Variants in HDAC2 observed in about 807,000 individuals in gnomAD.
The protein encoded by HDAC2 is YY1-associated factor 1.
In HDAC2, 5 loss-of-function variants were observed where a neutral mutation model predicts 68.5. The ratio of observed to expected loss-of-function variants is 0.07; its 90% CI spans 0.04 to 0.15. The LOEUF is 0.15. Among genes scored for constraint, HDAC2 ranks in the 10% least tolerant of loss-of-function variants. HDAC2 has a pLI of 1.00. For synonymous variants in HDAC2, 182 were observed against 191.3 expected (o/e 0.95, Z 0.40); for missense variants, 291 against 600.8 (o/e 0.48, Z 5.39).
chr6:113,950,939 A>G (rs1776398194), intron 6 of HDAC2, among the ~76,000 whole-genome samples: 1 of 152,158 alleles, frequency 6.6e-6, no homozygotes, highest in South Asian at 2.1e-4. Context: ...CTTGAAGTCT[A>G]AGTTTTTATT....
At chr6:113,968,107 C>G (rs890611036) in intron 1 of HDAC2, among the ~76,000 whole-genome samples, 1 of 152,198 alleles carries the variant, frequency 6.6e-6, no homozygotes, top group Admixed American at 6.5e-5. Context: ...GGCAGACATT[C>G]TGTGTGGCCA....
In HDAC2 at chr6:113,956,072, T is replaced by C; in HGVS notation, c.438A>G (p.Ser146=). Residue 146 remains serine, a synonymous_variant, in exon 5 of 14, where the codon TCA becomes TCG. Transcript: ENST00000519065. ...WAGGLHHAKK[S]EASGFCYVND... is the part of the protein sequence containing the mutation. The stretch of plus-strand genomic sequence containing the variant: ...TAACGTAACAGAATCCTGATGCTTC[T>C]GATTTCTTAGCATGATGTAATCCTC... The C allele has an allele frequency of 6.2e-7, 1 of 1,613,134 alleles. No individual in the cohort carries two copies. The highest frequency in any genetic ancestry group is 8.5e-7 in the Non-Finnish European group (1 of 1,179,510).
chr6:113,938,492 ATTTGC>A lies in HDAC2; in HGVS notation c.*2561_*2565del, dbSNP rs1776056952. On this transcript the variant is annotated 3_prime_UTR_variant, in exon 14 of 14. Coordinates refer to ENST00000519065, the MANE Select transcript of HDAC2 (RefSeq NM_001527.4). Reference sequence around the variant, plus strand: ...GTCACACTTAGGCCTTCTTCAATCCATTTGCTTTAAGAGTTTAGGTTTTTGGTAGT... The same window carrying A: ...GTCACACTTAGGCCTTCTTCAATCCATTTAAGAGTTTAGGTTTTTGGTAGT... 1 of 151,956 alleles carries A rather than the reference ATTTGC, an allele frequency of 6.6e-6. No homozygotes were observed. The highest frequency in any genetic ancestry group is 1.9e-4 in the East Asian group (1 of 5,164). The allele number at this position is 151,956 out of a possible 1,614,324, so 9.4% of individuals were successfully genotyped here. A position where few individuals can be genotyped will look rare whatever the true frequency, so the allele number is the denominator to read the frequency against.
At position 113,943,379 on chromosome 6, in the gene HDAC2, A is replaced by G. The variant is rs769362495; in HGVS notation, c.1350T>C (p.Asp450=). 3.1e-6 allele frequency: 5 copies of G among 1,608,826 alleles called. No homozygotes were observed. Among genetic ancestry groups the G allele is most frequent in the Middle Eastern group, 1.6e-4 (1 of 6,072 alleles). ...TTTTTTTGTCCTCTGTTTCTTTCTT[A>G]TCTTCTTCAATTCTAGCTTTCTTTG... The part of the protein sequence containing the change: ...KGAKKARIEE[D]KKETEDKKTD... The change falls in exon 12 of 14, where the codon GAT becomes GAC. Residue 450 remains aspartate, a synonymous_variant. Coordinates refer to ENST00000519065, the MANE Select transcript of HDAC2 (RefSeq NM_001527.4).
chr6:113,946,385 T>G (rs901785744), intron 8 of HDAC2: 1 of 332,102 alleles, frequency 3.0e-6, no homozygotes, highest in Admixed American at 4.5e-5. Context: ...GTGTCCCTGA[T>G]GGAAAAGTCA....
At chr6:113,958,914 TTA>T (rs1369702052) in intron 2 of HDAC2, 148 bp from the exon 3 acceptor site, 4 of 679,468 alleles carry the variant, frequency 5.9e-6, no homozygotes, top group East Asian at 5.2e-5. Context: ...TAACCCAAAC[TTA>T]TATGTGTTTT....
chr6:113,942,123 A>G (rs552796599), intron 12 of HDAC2, among the ~76,000 whole-genome samples: 1 of 152,212 alleles, frequency 6.6e-6, no homozygotes, highest in Non-Finnish European at 1.5e-5. Context: ...TTTATTTTTT[A>G]AGCACAGAAA....
chr6:113,957,708 G>C (rs1051431848), intron 3 of HDAC2, among the ~76,000 whole-genome samples: 4 of 151,874 alleles, frequency 2.6e-5, no homozygotes, highest in African/African-American at 9.7e-5. Context: ...GGCTGGTTTC[G>C]AACTCCTGAC....
In HDAC2 at chr6:113,971,140, G is replaced by A. The variant is rs368391440; in HGVS notation, c.-232C>T. On this transcript the variant is annotated 5_prime_UTR_variant, in exon 1 of 14. Transcript: ENST00000519065. ...GGAGGTGGCAGCGGCACCAACTCGC[G>A]AGGAGGGGGCCACCAAACCACCTCA... The A allele has an allele frequency of 7.8e-6, 12 of 1,538,364 alleles. No individual in the cohort carries two copies. The African/African-American group carries it at 1.1e-4, about 14-fold the overall frequency.
At chr6:113,958,922 GTTTTAGAAAACAGTA>G (rs1776616864) in intron 2 of HDAC2, among the ~76,000 whole-genome samples, 156 bp from the exon 3 acceptor site, 1 of 152,088 alleles carries the variant, frequency 6.6e-6, no homozygotes, top group South Asian at 2.1e-4. Context: ...ACTTATATGT[GTTTTAGAAAACAGTA>G]ATCAATCTCA....
intron 1 of HDAC2, among the ~76,000 whole-genome samples, chr6:113,966,606 A>T (rs191586842): frequency 3.3e-4 from 49 of 148,658 alleles, no homozygotes; most frequent in South Asian, 4.2e-4. Context: ...ATCACTAATT[A>T]AAAAAAAAAG....
At chr6:113,951,759 G>A (rs544996444) in intron 6 of HDAC2, among the ~76,000 whole-genome samples, 17 of 152,240 alleles carry the variant, frequency 1.1e-4, no homozygotes, top group Middle Eastern at 3.4e-3. Context: ...GAGACACCGC[G>A]CCCGGCCCAG....
chr6:113,965,363 T>G (rs1190704868), intron 1 of HDAC2, among the ~76,000 whole-genome samples: 2 of 149,754 alleles, frequency 1.3e-5, no homozygotes, highest in East Asian at 2.1e-4. Context: ...TCTTTTACTT[T>G]TTTTGTTTTT....
chr6:113,943,385 T>G lies in HDAC2; in HGVS notation c.1344A>C (p.Glu448Asp). Residue 448 changes from glutamate to aspartate, a missense_variant, in exon 12 of 14, where the codon GAA (glutamate) becomes GAC (aspartate). By Grantham distance (45) the Glu-to-Asp change is conservative. Transcript: ENST00000519065. ...HKKGAKKARI[E>D]EDKKETEDKK... The stretch of plus-strand genomic sequence containing the variant: ...TGTCCTCTGTTTCTTTCTTATCTTC[T>G]TCAATTCTAGCTTTCTTTGCTCCTT... The G allele has an allele frequency of 6.2e-7, 1 of 1,610,106 alleles. No homozygotes were observed. Among genetic ancestry groups the G allele is most frequent in the Non-Finnish European group, 8.5e-7 (1 of 1,178,896 alleles).
intron 6 of HDAC2, among the ~76,000 whole-genome samples, chr6:113,950,100 G>A (rs1776374465): frequency 1.3e-5 from 2 of 152,192 alleles, no homozygotes; most frequent in South Asian, 4.2e-4. Flanking sequence ...TTCTTAATTG[G>A]ACTTGGACTT....
At chr6:113,957,733 T>G (rs978434462) in intron 3 of HDAC2, among the ~76,000 whole-genome samples, 1 of 151,954 alleles carries the variant, frequency 6.6e-6, no homozygotes, top group Non-Finnish European at 1.5e-5. Flanking sequence ...GGTAATCCAC[T>G]CACCTCCGCC....
At chr6:113,962,108 T>C (rs1189815135) in intron 1 of HDAC2, among the ~76,000 whole-genome samples, 1 of 152,086 alleles carries the variant, frequency 6.6e-6, no homozygotes, top group Non-Finnish European at 1.5e-5. Flanking sequence ...AAGCAGTAAT[T>C]AACACTTGTT....
Position 113,943,331 on chromosome 6 carries a change from TA to T in HDAC2, c.1378+19del. ...TTAAAATTTACAATTAAAACACAAT[TA>T]CCAAGAAACAAATCTGACCTGTTTT... On this transcript the variant is annotated intron_variant, in intron 12 of 13. Transcript: ENST00000519065. 6.3e-7 allele frequency: 1 copy of T among 1,577,176 alleles called. No individual in the cohort carries two copies. Among genetic ancestry groups the T allele is most frequent in the Non-Finnish European group, 8.6e-7 (1 of 1,164,672 alleles).
chr6:113,949,043 T>C lies in HDAC2; in HGVS notation c.777A>G (p.Val259=), dbSNP rs1459422620. ...ATAATGAGTCTGCACCACACTGTAA[T>C]ACCACAGCACTAGGTTGATACATCT... ...VMEMYQPSAV[V]LQCGADSLSG... is the part of the protein sequence containing the mutation. Residue 259 remains valine (V), a synonymous_variant, in exon 8 of 14, where the codon GTA becomes GTG. Transcript: ENST00000519065. The C allele has an allele frequency of 2.5e-6, 4 of 1,613,944 alleles. No individual in the cohort carries two copies. The African/African-American group carries it at 5.3e-5, about 22-fold the overall frequency.
Sources: gnomAD v4.1 joint callset for allele counts (sites outside exome capture counted in the v4.1 genomes callset) on GRCh38, gnomAD v4.1.1 for gene constraint, MANE v1.5 for transcripts, NCBI Gene and HGNC (gene_info 2026-07-23, HGNC 2026-07-21) for gene names.